The following YPEL1 variants were observed in gnomAD, a reference collection of about 807,000 sequenced individuals.
The protein encoded by YPEL1 is yippee like 1.
A neutral mutation model predicts 17.3 loss-of-function variants in YPEL1; 7 were observed. The ratio of observed to expected loss-of-function variants is 0.40; its 90% confidence interval spans 0.23 to 0.76. The LOEUF is 0.76. YPEL1 is among the 30% of genes least tolerant of loss of function. The pLI, the probability that YPEL1 is intolerant of heterozygous loss-of-function variation, is 0.35. For missense variants in YPEL1, 91 were observed against 155.5 expected, an observed-to-expected ratio of 0.59 and a Z score of 2.21; for synonymous variants, 59 against 59.6, an observed-to-expected ratio of 0.99 and a Z score of 0.05.
intron 1 of YPEL1, among the ~76,000 whole-genome samples, chr22:21,718,802 A>C (rs1041781305): frequency 3.3e-5 from 5 of 152,042 alleles, no homozygotes; most frequent in African/African-American, 9.7e-5. Flanking sequence ...ACACACACAC[A>C]CACCATCTTC....
At chr22:21,709,903 G>A (rs1222554691) in intron 2 of YPEL1, among the ~76,000 whole-genome samples, 1 of 151,526 alleles carries the variant, frequency 6.6e-6, no homozygotes, top group Non-Finnish European at 1.5e-5. Context: ...GAGGATCGGT[G>A]GTCATGACGT....
chr22:21,719,321 A>G (rs73877676), intron 1 of YPEL1, among the ~76,000 whole-genome samples: 5,856 of 152,248 alleles, frequency 0.038, 366 homozygotes, highest in African/African-American at 0.13. Context: ...TTCACTTCTT[A>G]CTGAACTCAT....
chr22:21,716,762 T>C (rs932420797), intron 1 of YPEL1, among the ~76,000 whole-genome samples: 2 of 152,172 alleles, frequency 1.3e-5, no homozygotes, highest in Non-Finnish European at 2.9e-5. Context: ...TAACCACACA[T>C]TCACAGAAAC....
chr22:21,721,888 C>T (rs55741555), intron 1 of YPEL1, among the ~76,000 whole-genome samples: 18,037 of 152,222 alleles, frequency 0.12, 1,357 homozygotes, highest in Non-Finnish European at 0.17. Context: ...CCTCCTCCAC[C>T]AAGCCCCTGG....
At chr22:21,713,562 CAG>C (rs755207519) in intron 1 of YPEL1, among the ~76,000 whole-genome samples, 2 of 152,144 alleles carry the variant, frequency 1.3e-5, no homozygotes, top group African/African-American at 2.4e-5. Flanking sequence ...GACTCAGAGA[CAG>C]AAAGAGCTGC....
At chr22:21,727,314 A>G (rs1383728675) in intron 1 of YPEL1, among the ~76,000 whole-genome samples, 1 of 152,244 alleles carries the variant, frequency 6.6e-6, no homozygotes, top group African/African-American at 2.4e-5. Flanking sequence ...CCACTGTTGC[A>G]CTGGGGAACC....
chr22:21,715,962 A>G (rs2068219730), intron 1 of YPEL1, among the ~76,000 whole-genome samples: 1 of 152,130 alleles, frequency 6.6e-6, no homozygotes, highest in Non-Finnish European at 1.5e-5. Flanking sequence ...GGGTTTCTCC[A>G]TGTTGGTCAG....
In YPEL1 at chr22:21,718,071, C is replaced by A. The variant is rs1224271692; in HGVS notation, c.-164-7163G>T. 2.0e-5 allele frequency among the ~76,000 whole-genome samples: 3 copies of A among 146,696 alleles called. No homozygotes were observed. The Admixed American group carries it at 2.1e-4, about 10-fold the overall frequency. On this transcript the variant is annotated intron_variant, in intron 1 of 4. Transcript: ENST00000339468. Reference sequence around the variant, plus strand: ...GCTTGAGCCCAAGGGGTCGAGGCTGCAATGAGCAGAGATTGTGCCACTGGA... The same window carrying A: ...GCTTGAGCCCAAGGGGTCGAGGCTGAAATGAGCAGAGATTGTGCCACTGGA...
At chr22:21,710,378 C>T (rs1213818724) in intron 2 of YPEL1, 7 of 549,526 alleles carry the variant, frequency 1.3e-5, no homozygotes, top group Admixed American at 3.2e-5. Context: ...CCTTGCCCCT[C>T]GTAATCCCTG....
In YPEL1 at chr22:21,703,506, G is replaced by A; in HGVS notation, c.162-28C>T. 4 of 1,584,432 alleles carry A rather than the reference G, an allele frequency of 2.5e-6. No individual in the cohort carries two copies. In the South Asian group the frequency reaches 3.3e-5, roughly 13 times the overall value. On this transcript the variant is annotated intron_variant, in intron 3 of 4. Transcript: ENST00000339468. The surrounding 1 kb of genome is among the most constrained non-coding windows in gnomAD (Gnocchi z 6.1). ...GCGGGGACAGAGGGGCCACTGCGCT[G>A]CAGGCCCGGCCCGCCCCTGACCAGG...
intron 1 of YPEL1, among the ~76,000 whole-genome samples, chr22:21,722,321 C>G (rs537259134): frequency 6.6e-6 from 1 of 152,260 alleles, no homozygotes; most frequent in South Asian, 2.1e-4. Flanking sequence ...GAGGCTGAGG[C>G]AGAAGAAATG....
intron 1 of YPEL1, among the ~76,000 whole-genome samples, chr22:21,732,760 G>C (rs1569067967): frequency 6.6e-6 from 1 of 151,702 alleles, no homozygotes; most frequent in South Asian, 2.1e-4. Flanking sequence ...CCAGCCTGGC[G>C]ACAGAGTGGG....
intron 1 of YPEL1, among the ~76,000 whole-genome samples, chr22:21,727,091 G>C (rs935121306): frequency 6.6e-6 from 1 of 152,156 alleles, no homozygotes; most frequent in East Asian, 1.9e-4. Context: ...TGCTGCCCTG[G>C]GTCCCAAATG....
Position 21,708,313 on chromosome 22 carries a change from T to C in YPEL1, c.117+2315A>G, listed in dbSNP as rs367682923. ...AAATGCTCATTTGGCACCAAATGACTTCTGAGCAGGCTTCTGCCTTTTTTT... is the reference window on the plus strand; with the variant it reads ...AAATGCTCATTTGGCACCAAATGACCTCTGAGCAGGCTTCTGCCTTTTTTT... On this transcript the variant is annotated intron_variant, in intron 2 of 4. Transcript: ENST00000339468. Among the ~76,000 whole-genome samples the C allele has an allele frequency of 9.3e-4, 141 of 150,884 alleles. 1 individual carries two copies. The highest frequency in any genetic ancestry group is 3.3e-3 in the African/African-American group (136 of 40,970).
intron 1 of YPEL1, among the ~76,000 whole-genome samples, chr22:21,727,052 G>A (rs1416728373): frequency 2.0e-5 from 3 of 151,908 alleles, no homozygotes; most frequent in Admixed American, 6.6e-5. Context: ...ATACAGCCCC[G>A]CCCCCAAGGC....
chr22:21,709,912 G>C (rs922309352), intron 2 of YPEL1, among the ~76,000 whole-genome samples: 3 of 150,084 alleles, frequency 2.0e-5, no homozygotes, highest in East Asian at 4.0e-4. Flanking sequence ...TGGTCATGAC[G>C]TATGAGGATG....
At chr22:21,711,776 A>G (rs974253147) in intron 1 of YPEL1, among the ~76,000 whole-genome samples, 1 of 152,252 alleles carries the variant, frequency 6.6e-6, no homozygotes, top group African/African-American at 2.4e-5. Flanking sequence ...AGAAGGAAAC[A>G]CAGGGGAAAA....
At chr22:21,717,300 C>T (rs1212918806) in intron 1 of YPEL1, among the ~76,000 whole-genome samples, 2 of 148,418 alleles carry the variant, frequency 1.3e-5, no homozygotes, top group Admixed American at 6.8e-5. Flanking sequence ...TGCTTGAACC[C>T]GGGAGGCGGA....
chr22:21,703,382 G>C lies in YPEL1; in HGVS notation c.258C>G (p.Leu86=), dbSNP rs371636873. Residue 86 remains leucine (L), a synonymous_variant, in exon 4 of 5, where the codon CTC becomes CTG. Transcript: ENST00000339468. This position sits in a 1 kb window ranked among gnomAD's most constrained non-coding sequence, Gnocchi z 6.1. Reference sequence around the variant, plus strand: ...TTGTGGCACTCACGTATTTCCACCCGAGCGTGGTCTTGCAGTTCTCGCAGT... The same window carrying C: ...TTGTGGCACTCACGTATTTCCACCCCAGCGTGGTCTTGCAGTTCTCGCAGT... ...DIYCENCKTT[L]GWKYEHAFES... The C allele has an allele frequency of 1.2e-6, 2 of 1,613,304 alleles. No homozygotes were observed. The highest frequency in any genetic ancestry group is 1.7e-5 in the Admixed American group (1 of 59,992).
Sources: gnomAD v4.1 joint callset for allele counts (sites outside exome capture counted in the v4.1 genomes callset) on GRCh38, gnomAD v4.1.1 for gene constraint, Gnocchi (gnomAD v3.1) non-coding constraint, MANE v1.5 for transcripts, NCBI Gene and HGNC (gene_info 2026-07-23, HGNC 2026-07-21) for gene names.